Variants in MTMR10 observed in about 807,000 individuals in gnomAD.
MTMR10 encodes myotubularin-related protein 10.
Under a neutral mutation model 88.1 loss-of-function variants are expected in MTMR10, and 56 were observed. That is an observed-to-expected ratio of 0.64 (90% CI 0.51 to 0.79). MTMR10 has a LOEUF of 0.79. Ranked by LOEUF, MTMR10 falls within the 30% of genes least tolerant of loss-of-function variation. The probability of loss-of-function intolerance (pLI) is 0.00; values close to 1 mark genes in which losing one functional copy is unlikely to be tolerated. For synonymous variants in MTMR10, 380 were observed against 340.9 expected, an observed-to-expected ratio of 1.11 and a Z score of -1.26; for missense variants, 883 against 924.7, an observed-to-expected ratio of 0.95 and a Z score of 0.58.
At chr15:30,948,818 G>A in intron 12 of MTMR10, 1 of 294,748 alleles carries the variant, frequency 3.4e-6, no homozygotes, top group South Asian at 4.0e-5. Flanking sequence ...TCTTTCTACT[G>A]ACAGGCCACA....
In MTMR10 at chr15:30,991,497, G is replaced by C; in HGVS notation, c.10C>G (p.Leu4Val). The C allele has an allele frequency of 6.6e-7, 1 of 1,525,718 alleles. No homozygotes were observed. The highest frequency in any genetic ancestry group is 8.7e-7 in the Non-Finnish European group (1 of 1,145,506). The allele number at this position is 1,525,718 out of a possible 1,614,324, so 94.5% of individuals were successfully genotyped here. A position where few individuals can be genotyped will look rare whatever the true frequency, so the allele number is the denominator to read the frequency against. ...CTGAAGGTGGGTTTGGGCGGCTTGA[G>C]GGAGAACATGGTGCCGCCGCCTTTT... The part of the protein sequence containing the change: MFS[L>V]KPPKPTFRSY... Residue 4 changes from leucine to valine, a missense_variant, in exon 1 of 16, where the codon CTC becomes GTC. Transcript: ENST00000435680.
At chr15:30,947,060 A>G in intron 14 of MTMR10, 70 bp downstream of exon 14, 1 of 1,488,042 alleles carries the variant, frequency 6.7e-7, no homozygotes, top group Non-Finnish European at 9.0e-7. Flanking sequence ...GCAGTGAATT[A>G]TACTTCAATT....
chr15:30,924,035 A>G, the MTMR10 span, among the ~76,000 whole-genome samples: 2 of 152,012 alleles, frequency 1.3e-5, no homozygotes, highest in African/African-American at 4.8e-5. Context: ...CGTCTCATCT[A>G]CTTTTTGTGT....
At chr15:30,949,585 A>G (rs1367336545) in intron 12 of MTMR10, 2 of 152,200 alleles carry the variant, frequency 1.3e-5, no homozygotes, top group East Asian at 3.8e-4. Flanking sequence ...TCACAGTGAC[A>G]TAAAAATAAA....
At chr15:30,932,004 C>T in the MTMR10 span, among the ~76,000 whole-genome samples, 3 of 150,924 alleles carry the variant, frequency 2.0e-5, no homozygotes, top group South Asian at 2.1e-4. Context: ...GGGCGGATCA[C>T]GAGGTCAGGA....
the MTMR10 span, chr15:30,925,922 G>A: frequency 1.2e-5 from 20 of 1,614,062 alleles, no homozygotes; most frequent in South Asian, 2.2e-5. Flanking sequence ...CATTACAGAC[G>A]CAGCGGTTTT....
chr15:30,926,025 T>A, the MTMR10 span: 4 of 1,345,100 alleles, frequency 3.0e-6, no homozygotes, highest in Non-Finnish European at 4.2e-6. Flanking sequence ...TGGGCTGCTG[T>A]CCTCTCTCTG....
In MTMR10 at chr15:30,953,639, A is replaced by T; in HGVS notation, c.1067-8T>A. 1 of 1,504,554 alleles carries T rather than the reference A, an allele frequency of 6.6e-7. No individual in the cohort carries two copies. The allele number at this position is 1,504,554 out of a possible 1,614,324, so 93.2% of individuals were successfully genotyped here. On this transcript the variant is annotated splice_polypyrimidine_tract_variant and splice_region_variant and intron_variant, in intron 10 of 15. Transcript: ENST00000435680. Reference sequence around the variant, plus strand: ...CAGTTTCTTCAAAAGGCTCTGTAATAAATTATATACATACACATTTTTACT... The same window carrying T: ...CAGTTTCTTCAAAAGGCTCTGTAATTAATTATATACATACACATTTTTACT...
chr15:30,963,120 T>A (rs1474056930), intron 6 of MTMR10, among the ~76,000 whole-genome samples: 4 of 152,124 alleles, frequency 2.6e-5, no homozygotes, highest in African/African-American at 4.8e-5. Context: ...TAAACTGAAA[T>A]GAAAATTAAA....
intron 3 of MTMR10, 148 bp from the exon 4 acceptor site, chr15:30,975,151 T>C (rs1251184907): frequency 1.4e-5 from 8 of 576,874 alleles, no homozygotes; most frequent in Non-Finnish European, 2.1e-5. Context: ...CATTCCAATG[T>C]TGACAGATAG....
At chr15:30,924,106 G>A in the MTMR10 span, among the ~76,000 whole-genome samples, 1 of 152,156 alleles carries the variant, frequency 6.6e-6, no homozygotes, top group Non-Finnish European at 1.5e-5. Flanking sequence ...GATATTTGTG[G>A]TTTTATGTCT....
intron 2 of MTMR10, among the ~76,000 whole-genome samples, chr15:30,978,305 G>A (rs2030307953): frequency 6.6e-6 from 1 of 152,158 alleles, no homozygotes; most frequent in South Asian, 2.1e-4. Context: ...GGTAGAAGAT[G>A]GACTGACTTT....
Position 30,939,410 on chromosome 15 carries a change from T to C in MTMR10, c.*2060A>G, listed in dbSNP as rs977699878. On this transcript the variant is annotated 3_prime_UTR_variant, in exon 16 of 16. Transcript: ENST00000435680. ...CACCACTGCTGTCACCACATGTCCCTCTGACGGCAGAGGTGGTATAAGCAG... is the reference window on the plus strand; with the variant it reads ...CACCACTGCTGTCACCACATGTCCCCCTGACGGCAGAGGTGGTATAAGCAG... 2 of 985,476 alleles carry C rather than the reference T, an allele frequency of 2.0e-6. No homozygotes were observed. The highest frequency in any genetic ancestry group is 2.4e-6 in the Non-Finnish European group (2 of 829,938). 61.0% of individuals were successfully genotyped at this position (985,476 alleles called of 1,614,324 possible). A position where few individuals can be genotyped will look rare whatever the true frequency, so the allele number is the denominator to read the frequency against.
chr15:30,953,418 T>A, intron 11 of MTMR10, 144 bp downstream of exon 11: 1 of 639,814 alleles, frequency 1.6e-6, no homozygotes. Context: ...TTGGATGCTG[T>A]ACTCTAGTTA....
intron 14 of MTMR10, among the ~76,000 whole-genome samples, chr15:30,945,667 G>A (rs1017177341): frequency 3.3e-5 from 5 of 152,186 alleles, no homozygotes; most frequent in African/African-American, 4.8e-5. Flanking sequence ...TTATGGTGAC[G>A]AAAAATAAAA....
intron 7 of MTMR10, among the ~76,000 whole-genome samples, chr15:30,960,026 C>T (rs796575046): frequency 1.3e-5 from 2 of 152,150 alleles, no homozygotes; most frequent in South Asian, 4.1e-4. Flanking sequence ...TATTGCTTTT[C>T]TTGTACGAAC....
chr15:30,929,734 ATATAT>A, the MTMR10 span, among the ~76,000 whole-genome samples: 1,415 of 55,052 alleles, frequency 0.026, 182 homozygotes, highest in African/African-American at 0.055. Context: ...AAAATATATA[ATATAT>A]TATATCATAT....
At chr15:30,990,508 A>C (rs1171284203) in intron 2 of MTMR10, among the ~76,000 whole-genome samples, 1 of 152,246 alleles carries the variant, frequency 6.6e-6, no homozygotes, top group East Asian at 1.9e-4. Context: ...TCATTAATGC[A>C]ATAAGTGGCA....
intron 6 of MTMR10, among the ~76,000 whole-genome samples, chr15:30,964,465 A>G (rs142183851): frequency 1.2e-4 from 19 of 152,264 alleles, no homozygotes; most frequent in African/African-American, 4.3e-4. Flanking sequence ...ATCGTTTGTT[A>G]TTTTTGCCAT....
Sources: allele counts gnomAD v4.1 joint callset (sites outside exome capture counted in the v4.1 genomes callset), GRCh38; gene constraint gnomAD v4.1.1; transcripts MANE v1.5; gene names NCBI Gene and HGNC (gene_info 2026-07-23, HGNC 2026-07-21).